Variants in OCLN observed in about 807,000 individuals in gnomAD.
The protein encoded by OCLN is occludin.
In OCLN, 21 loss-of-function variants were observed where a neutral mutation model predicts 47.9. The ratio of observed to expected loss-of-function variants is 0.44; its 90% CI spans 0.31 to 0.63. OCLN has a LOEUF of 0.63. Ranked by LOEUF, OCLN falls within the 30% of genes least tolerant of loss-of-function variation. The probability of loss-of-function intolerance (pLI) is 0.08; values close to 1 mark genes in which losing one functional copy is unlikely to be tolerated. For synonymous variants in OCLN, 117 were observed against 198.4 expected, an observed-to-expected ratio of 0.59 and a Z score of 3.45; for missense variants, 360 against 571.0, an observed-to-expected ratio of 0.63 and a Z score of 3.77.
intron 4 of OCLN, among the ~76,000 whole-genome samples, chr5:69,514,654 A>G (rs1384251723): frequency 1.3e-5 from 2 of 152,004 alleles, no homozygotes; most frequent in African/African-American, 4.8e-5. Flanking sequence ...TGGTTTTCCT[A>G]TGCAGAGGAC....
intron 2 of OCLN, among the ~76,000 whole-genome samples, chr5:69,508,055 T>G (rs545189149): frequency 6.6e-6 from 1 of 152,118 alleles, no homozygotes; most frequent in African/African-American, 2.4e-5. Context: ...TGTGCATTTT[T>G]AAATTTTTTT....
intron 1 of OCLN, among the ~76,000 whole-genome samples, chr5:69,494,602 A>G (rs772348206): frequency 2.6e-5 from 4 of 152,142 alleles, no homozygotes; most frequent in Admixed American, 6.5e-5. Flanking sequence ...CAATTTATTT[A>G]GTTATTAGGG....
chr5:69,527,924 G>C lies in OCLN; in HGVS notation c.892-6770G>C, dbSNP rs1580578225. On this transcript the variant is annotated intron_variant, in intron 4 of 8. Coordinates refer to ENST00000396442, the MANE Select transcript of OCLN (RefSeq NM_001205254.2). ...TAGGATTTTATTTATAGTTCTCATT[G>C]GTCTATATTATTACTGTTTCTTTGG... 2.0e-5 allele frequency among the ~76,000 whole-genome samples: 3 copies of C among 152,136 alleles called. No homozygotes were observed. In the East Asian group the frequency reaches 5.8e-4, roughly 29 times the overall value.
rs560826697 is a variant in OCLN, at chr5:69,493,853, G to A, written c.-69+953G>A. On this transcript the variant is annotated intron_variant, in intron 1 of 8. Coordinates refer to ENST00000396442, the MANE Select transcript of OCLN (RefSeq NM_001205254.2). The surrounding 1 kb of genome is among the most constrained non-coding windows in gnomAD (Gnocchi z 5.3). ...GGCCAAGATGGCCTCTGCGCCTAGG[G>A]GTTGGGAGCGGCGCCGAGCCCCTCG... Among the ~76,000 whole-genome samples the A allele has an allele frequency of 3.9e-5, 6 of 152,286 alleles. No homozygotes were observed. The highest frequency in any genetic ancestry group is 8.8e-5 in the Non-Finnish European group (6 of 68,002).
chr5:69,530,002 A>G (rs1228449690), intron 4 of OCLN, among the ~76,000 whole-genome samples: 1 of 152,158 alleles, frequency 6.6e-6, no homozygotes, highest in Non-Finnish European at 1.5e-5. Flanking sequence ...TTACAAAGAC[A>G]CTTTGCTGTT....
intron 1 of OCLN, among the ~76,000 whole-genome samples, chr5:69,497,112 ATAACT>A (rs1200710034): frequency 3.9e-5 from 6 of 152,216 alleles, no homozygotes; most frequent in Non-Finnish European, 8.8e-5. Context: ...AAAATATCAA[ATAACT>A]TAAGCTTTGC....
chr5:69,520,562 G>T (rs975995170), intron 4 of OCLN, among the ~76,000 whole-genome samples: 4 of 152,078 alleles, frequency 2.6e-5, no homozygotes, highest in Non-Finnish European at 4.4e-5. Flanking sequence ...AAAGTGCTGG[G>T]ATTACAGGCG....
chr5:69,505,732 T>TA (rs1342284497), intron 2 of OCLN, among the ~76,000 whole-genome samples: 2 of 152,192 alleles, frequency 1.3e-5, no homozygotes, highest in African/African-American at 4.8e-5. Flanking sequence ...CTCCTCTAAG[T>TA]AGTTTGCAGC....
chr5:69,523,576 C>T (rs1016720258), intron 4 of OCLN, among the ~76,000 whole-genome samples: 8 of 151,080 alleles, frequency 5.3e-5, no homozygotes, highest in Non-Finnish European at 7.4e-5. Context: ...TGCTCTGTCA[C>T]ACAGGCTAGA....
intron 1 of OCLN, among the ~76,000 whole-genome samples, chr5:69,499,105 G>T (rs1768386398): frequency 1.3e-5 from 2 of 151,994 alleles, no homozygotes; most frequent in Non-Finnish European, 2.9e-5. Flanking sequence ...TTTAGACAGG[G>T]TATTACTGTT....
intron 3 of OCLN, among the ~76,000 whole-genome samples, chr5:69,512,428 G>A (rs541110294): frequency 6.6e-6 from 1 of 152,286 alleles, no homozygotes; most frequent in South Asian, 2.1e-4. Context: ...CCTAATGCCA[G>A]TACCATACTG....
Position 69,522,051 on chromosome 5 carries a change from G to A in OCLN, c.891+7942G>A, listed in dbSNP as rs77977973. On this transcript the variant is annotated intron_variant, in intron 4 of 8. Coordinates refer to ENST00000396442, the MANE Select transcript of OCLN (RefSeq NM_001205254.2). ...GGGTCTCACTATGTTACCCAGGCTC[G>A]TTTTGAACTCCTGGCCTCAAGTGAT... Among the ~76,000 whole-genome samples, 413 of 152,194 alleles carry A rather than the reference G, an allele frequency of 2.7e-3. 3 individuals carry two copies. The highest frequency in any genetic ancestry group is 9.5e-3 in the African/African-American group (394 of 41,546).
intron 3 of OCLN, among the ~76,000 whole-genome samples, chr5:69,512,376 A>G (rs1010996628): frequency 6.6e-6 from 1 of 152,200 alleles, no homozygotes; most frequent in African/African-American, 2.4e-5. Context: ...AAATGTGGAC[A>G]TTTATTTCTG....
At chr5:69,523,349 A>G (rs910952059) in intron 4 of OCLN, among the ~76,000 whole-genome samples, 2 of 152,140 alleles carry the variant, frequency 1.3e-5, no homozygotes, top group East Asian at 1.9e-4. Context: ...CTAACAGTAT[A>G]TGATAATATT....
intron 2 of OCLN, among the ~76,000 whole-genome samples, chr5:69,507,549 T>C (rs1768641318): frequency 2.6e-5 from 4 of 152,230 alleles, no homozygotes; most frequent in African/African-American, 9.6e-5. Flanking sequence ...TTCATAGCAC[T>C]GTAGAAATAT....
chr5:69,530,610 A>G (rs908790597), intron 4 of OCLN: 14 of 150,456 alleles, frequency 9.3e-5, no homozygotes, highest in African/African-American at 3.4e-4. Flanking sequence ...TCAGGATTTA[A>G]AAAAAAAAAT....
intron 6 of OCLN, among the ~76,000 whole-genome samples, chr5:69,547,495 C>T (rs1322694539): frequency 3.3e-5 from 4 of 122,128 alleles, no homozygotes; most frequent in Admixed American, 8.4e-5. Context: ...CGCTTGAACC[C>T]GGGAGGTGGA....
chr5:69,511,241 A>ATTTT (rs56327483), intron 3 of OCLN, among the ~76,000 whole-genome samples: 1 of 142,710 alleles, frequency 7.0e-6, no homozygotes, highest in African/African-American at 2.6e-5. Flanking sequence ...CGCCCAGCTA[A>ATTTT]TTTTTTTTTT....
intron 4 of OCLN, chr5:69,530,566 G>C (rs1175548142): frequency 6.6e-6 from 1 of 151,920 alleles, no homozygotes; most frequent in Non-Finnish European, 1.5e-5. Context: ...TTTTGCCTTT[G>C]CCTCTAGACT....
Sources: gnomAD v4.1 joint callset for allele counts (sites outside exome capture counted in the v4.1 genomes callset) on GRCh38, gnomAD v4.1.1 for gene constraint, Gnocchi (gnomAD v3.1) non-coding constraint, MANE v1.5 for transcripts, NCBI Gene and HGNC (gene_info 2026-07-23, HGNC 2026-07-21) for gene names.